The following TTLL9 variants were observed in gnomAD, a reference collection of about 807,000 sequenced individuals.
TTLL9 encodes the protein tubulin tyrosine ligase like 9.
In TTLL9, 47 loss-of-function variants were observed where a neutral mutation model predicts 65.6. The observed-to-expected ratio is 0.72, with a 90% confidence interval of 0.57 to 0.91. The LOEUF is 0.91. Ranked by LOEUF, TTLL9 falls within the 40% of genes least tolerant of loss-of-function variation. The pLI is 0.00. For synonymous variants in TTLL9, 179 were observed against 204.8 expected, an observed-to-expected ratio of 0.87 and a Z score of 1.07; for missense variants, 537 against 568.8, an observed-to-expected ratio of 0.94 and a Z score of 0.57.
intron 9 of TTLL9, 152 bp downstream of exon 9, chr20:31,925,201 T>C: frequency 1.3e-6 from 1 of 777,774 alleles, no homozygotes; most frequent in Non-Finnish European, 2.0e-6. Flanking sequence ...AGGGATAGGG[T>C]GGGGGCAGGG....
intron 3 of TTLL9, among the ~76,000 whole-genome samples, chr20:31,890,786 G>A (rs2063298639): frequency 6.6e-6 from 1 of 152,218 alleles, no homozygotes; most frequent in Non-Finnish European, 1.5e-5. Flanking sequence ...AGTCGTCACT[G>A]GTTGTATGCT....
chr20:31,880,379 A>C (rs749607950), intron 2 of TTLL9, among the ~76,000 whole-genome samples: 11 of 152,204 alleles, frequency 7.2e-5, no homozygotes, highest in Non-Finnish European at 1.5e-4. Flanking sequence ...TGAATCAGAC[A>C]AACCTCTGCC....
At chr20:31,936,922 C>G (rs572646064) in intron 12 of TTLL9, among the ~76,000 whole-genome samples, 3 of 151,600 alleles carry the variant, frequency 2.0e-5, no homozygotes, top group Non-Finnish European at 4.4e-5. Context: ...ATGGTGAAAC[C>G]CCATCTCTAC....
intron 7 of TTLL9, among the ~76,000 whole-genome samples, chr20:31,921,843 G>A (rs1236275272): frequency 1.3e-5 from 2 of 152,082 alleles, no homozygotes; most frequent in African/African-American, 4.8e-5. Context: ...GGAGGGGGGA[G>A]GGATAGCATT....
Position 31,944,524 on chromosome 20 carries a change from A to G in TTLL9, c.*1503A>G, listed in dbSNP as rs1333796061. The stretch of plus-strand genomic sequence containing the variant: ...GTGCTTGCACAAAAATTATTAGCTT[A>G]TAAGACACCAGCCTTCCCCTTGCTT... On this transcript the variant is annotated 3_prime_UTR_variant, in exon 15 of 15. Transcript: ENST00000535842. 2 of 152,360 alleles carry G rather than the reference A, an allele frequency of 1.3e-5. No homozygotes were observed. The highest frequency in any genetic ancestry group is 2.4e-5 in the African/African-American group (1 of 41,454). 9.4% of individuals were successfully genotyped at this position (152,360 alleles called of 1,614,324 possible). A position where few individuals can be genotyped will look rare whatever the true frequency, so the allele number is the denominator to read the frequency against.
At chr20:31,900,232 ACT>A (rs1196844923) in intron 4 of TTLL9, among the ~76,000 whole-genome samples, 1 of 152,168 alleles carries the variant, frequency 6.6e-6, no homozygotes, top group African/African-American at 2.4e-5. Context: ...TCTGCTGGAC[ACT>A]CTAACATTTC....
intron 6 of TTLL9, among the ~76,000 whole-genome samples, chr20:31,915,341 G>A (rs1443328087): frequency 1.3e-5 from 2 of 152,248 alleles, no homozygotes; most frequent in East Asian, 3.9e-4. Flanking sequence ...AATTGGCAGA[G>A]CGTGGTGGCA....
intron 6 of TTLL9, among the ~76,000 whole-genome samples, chr20:31,912,042 T>A (rs1169235247): frequency 6.6e-6 from 1 of 152,134 alleles, no homozygotes; most frequent in Non-Finnish European, 1.5e-5. Context: ...CATTTCTTCA[T>A]CTGTAAAATG....
chr20:31,892,504 C>A (rs1288345060), intron 3 of TTLL9, among the ~76,000 whole-genome samples: 1 of 152,170 alleles, frequency 6.6e-6, no homozygotes, highest in Non-Finnish European at 1.5e-5. Context: ...TATTTCCCCA[C>A]CAAAATGTAC....
chr20:31,928,257 G>A (rs909923187), intron 10 of TTLL9, among the ~76,000 whole-genome samples: 1 of 151,958 alleles, frequency 6.6e-6, no homozygotes, highest in Non-Finnish European at 1.5e-5. Context: ...TGTTTTCACA[G>A]TGAGTAAATA....
At chr20:31,924,173 C>T (rs2063856615) in intron 8 of TTLL9, among the ~76,000 whole-genome samples, 2 of 152,134 alleles carry the variant, frequency 1.3e-5, no homozygotes, top group South Asian at 4.1e-4. Context: ...TGGCCACCAT[C>T]CTCTTCCTCC....
intron 6 of TTLL9, 61 bp from the exon 7 acceptor site, chr20:31,919,802 CG>C (rs1409513658): frequency 7.3e-6 from 10 of 1,375,110 alleles, no homozygotes; most frequent in East Asian, 2.7e-5. Flanking sequence ...CCCCCAGCCA[CG>C]GGGGCCAACA....
chr20:31,893,988 T>C (rs1202604392), intron 3 of TTLL9, among the ~76,000 whole-genome samples: 1 of 152,154 alleles, frequency 6.6e-6, no homozygotes, highest in Non-Finnish European at 1.5e-5. Flanking sequence ...ATTAGACTGT[T>C]TTCAAATGTA....
intron 2 of TTLL9, among the ~76,000 whole-genome samples, chr20:31,885,077 G>C (rs2063169943): frequency 1.3e-5 from 2 of 152,152 alleles, no homozygotes; most frequent in Non-Finnish European, 2.9e-5. Context: ...TTAATGGAGA[G>C]ACCATATTAT....
chr20:31,914,366 C>G (rs1215956840), intron 6 of TTLL9, among the ~76,000 whole-genome samples: 4 of 152,126 alleles, frequency 2.6e-5, no homozygotes, highest in African/African-American at 9.7e-5. Context: ...TTTTTAACCA[C>G]TTCATTGAAA....
chr20:31,883,273 C>T (rs2123398517), intron 2 of TTLL9, among the ~76,000 whole-genome samples: 1 of 151,226 alleles, frequency 6.6e-6, no homozygotes, highest in Non-Finnish European at 1.5e-5. Context: ...TCTCAGCTTA[C>T]TGCAAGCTCC....
In TTLL9 at chr20:31,872,309, G is replaced by A. The variant is rs114548649; in HGVS notation, c.69+1114G>A. Among the ~76,000 whole-genome samples, 640 of 152,274 alleles carry A rather than the reference G, an allele frequency of 4.2e-3. 6 individuals are homozygous for A. Among genetic ancestry groups the A allele is most frequent in the African/African-American group, 0.015 (607 of 41,546 alleles). ...CATGCCTGTAATCCCAACACATGGG[G>A]ATGCTGAGGTGGGAGGATCAATTGA... On this transcript the variant is annotated intron_variant, in intron 2 of 14. Transcript: ENST00000535842.
intron 2 of TTLL9, among the ~76,000 whole-genome samples, chr20:31,873,817 GAAGGAAGAAAGAAAGAAAGAAAGA>G (rs1479080702): frequency 0.012 from 1,018 of 82,078 alleles, 10 homozygotes; most frequent in African/African-American, 0.035. Context: ...AGGAAGGAAG[GAAGGAAGAAAGAAAGAAAGAAAGA>G]AAGAAAGAAA....
intron 3 of TTLL9, among the ~76,000 whole-genome samples, chr20:31,893,062 A>C (rs2063330294): frequency 6.6e-6 from 1 of 152,098 alleles, no homozygotes; most frequent in African/African-American, 2.4e-5. Flanking sequence ...ATTTTCCTGC[A>C]GCCCGAGGAA....
Sources: gnomAD v4.1 joint callset for allele counts (sites outside exome capture counted in the v4.1 genomes callset) on GRCh38, gnomAD v4.1.1 for gene constraint, MANE v1.5 for transcripts, NCBI Gene and HGNC (gene_info 2026-07-23, HGNC 2026-07-21) for gene names.